Variants in EXT1 observed in about 807,000 individuals in gnomAD.
EXT1 encodes exostosin glycosyltransferase 1.
Under a neutral mutation model 82.5 loss-of-function variants are expected in EXT1, and 20 were observed. That is an observed-to-expected ratio of 0.24 (90% CI 0.17 to 0.35). The LOEUF (loss-of-function observed/expected upper bound fraction) is 0.35. EXT1 is among the 10% of genes least tolerant of loss of function. The probability of loss-of-function intolerance (pLI) is 1.00; values close to 1 mark genes in which losing one functional copy is unlikely to be tolerated. For missense variants in EXT1, 757 were observed against 936.5 expected, an observed-to-expected ratio of 0.81 and a Z score of 2.50; for synonymous variants, 348 against 350.8, an observed-to-expected ratio of 0.99 and a Z score of 0.09.
chr8:118,062,421 C>T (rs1816898269), intron 1 of EXT1, among the ~76,000 whole-genome samples: 1 of 152,152 alleles, frequency 6.6e-6, no homozygotes, highest in African/African-American at 2.4e-5. Flanking sequence ...CTCAAGGACT[C>T]AGGAAGCAGA....
chr8:118,076,414 T>A (rs1185646108), intron 1 of EXT1, among the ~76,000 whole-genome samples: 3 of 152,232 alleles, frequency 2.0e-5, no homozygotes, highest in Non-Finnish European at 4.4e-5. Context: ...TTAGTAAGTT[T>A]TCAATGGGTC....
chr8:117,866,794 A>C (rs63261062), intron 1 of EXT1, among the ~76,000 whole-genome samples: 4 of 41,360 alleles, frequency 9.7e-5, no homozygotes, highest in South Asian at 1.1e-3. Context: ...TGGCCTACCC[A>C]AAAAAAAAAA....
intron 1 of EXT1, among the ~76,000 whole-genome samples, chr8:117,878,047 CG>C (rs1813001039): frequency 6.6e-6 from 1 of 152,048 alleles, no homozygotes; most frequent in African/African-American, 2.4e-5. Flanking sequence ...CCGAGGTGGG[CG>C]GATCACTTGA....
chr8:118,064,115 C>A (rs538858869), intron 1 of EXT1, among the ~76,000 whole-genome samples: 1 of 152,182 alleles, frequency 6.6e-6, no homozygotes, highest in African/African-American at 2.4e-5. Flanking sequence ...CCATCCGCCT[C>A]GGCCTCTGAA....
intron 1 of EXT1, among the ~76,000 whole-genome samples, chr8:117,968,260 C>T (rs989674446): frequency 2.6e-5 from 4 of 151,906 alleles, no homozygotes; most frequent in South Asian, 4.2e-4. Context: ...CACACAACAC[C>T]GTGCCCAGCT....
At chr8:117,842,083 A>G (rs965485648) in intron 1 of EXT1, among the ~76,000 whole-genome samples, 1 of 152,212 alleles carries the variant, frequency 6.6e-6, no homozygotes, top group Non-Finnish European at 1.5e-5. Flanking sequence ...AGCCCTCTGG[A>G]TAATTATGAT....
chr8:117,925,990 A>T (rs1282807356), intron 1 of EXT1, among the ~76,000 whole-genome samples: 1 of 152,180 alleles, frequency 6.6e-6, no homozygotes, highest in Non-Finnish European at 1.5e-5. Flanking sequence ...TTGGCTTCTC[A>T]ATTTTAAAGT....
chr8:117,815,636 C>T lies in EXT1; in HGVS notation c.1633-2675G>A, dbSNP rs533626600. Among the ~76,000 whole-genome samples, 28 of 152,234 alleles carry T rather than the reference C, an allele frequency of 1.8e-4. 1 individual carries two copies. The highest frequency in any genetic ancestry group is 1.5e-4 in the Non-Finnish European group (10 of 67,998). ...ATGTGAAAGCCCAACTCCTTTAAAACGAACAAACATGTTGGCCAGGTACAG... is the reference window on the plus strand; with the variant it reads ...ATGTGAAAGCCCAACTCCTTTAAAATGAACAAACATGTTGGCCAGGTACAG... On this transcript the variant is annotated intron_variant, in intron 7 of 10. Coordinates refer to ENST00000378204, the MANE Select transcript of EXT1 (RefSeq NM_000127.3).
At chr8:117,831,794 G>A (rs1030948859) in intron 3 of EXT1, 5 of 390,070 alleles carry the variant, frequency 1.3e-5, no homozygotes, top group African/African-American at 1.0e-4. Flanking sequence ...CCCTTAGGAG[G>A]AGCAATAAAA....
chr8:117,856,278 G>A (rs903023756), intron 1 of EXT1, among the ~76,000 whole-genome samples: 3 of 147,250 alleles, frequency 2.0e-5, no homozygotes, highest in East Asian at 2.0e-4. Context: ...GTGGGGGGAC[G>A]GAGTCTCGCT....
At chr8:117,955,103 C>T (rs1283160330) in intron 1 of EXT1, among the ~76,000 whole-genome samples, 1 of 152,160 alleles carries the variant, frequency 6.6e-6, no homozygotes, top group Admixed American at 6.5e-5. Flanking sequence ...ATAATGGATA[C>T]ACATGAACAG....
At position 117,809,209 on chromosome 8, in the gene EXT1, G is replaced by GTATAAATATATATATATATA. The variant is rs1471755255; in HGVS notation, c.1723-1833_1723-1832insTATATATATATATATTTATA. Among the ~76,000 whole-genome samples the GTATAAATATATATATATATA allele has an allele frequency of 2.9e-3, 248 of 85,648 alleles. 3 individuals are homozygous for GTATAAATATATATATATATA. The highest frequency in any genetic ancestry group is 4.1e-3 in the Non-Finnish European group (168 of 41,478). 56.2% of individuals were successfully genotyped at this position (85,648 alleles called of 152,430 possible). A position where few individuals can be genotyped will look rare whatever the true frequency, so the allele number is the denominator to read the frequency against. On this transcript the variant is annotated intron_variant, in intron 8 of 10. Transcript: ENST00000378204. The stretch of plus-strand genomic sequence containing the variant: ...TGTGTGTAGGTATATATATGTGTGT[G>GTATAAATATATATATATATA]TGTGTATAAATATATATATATATAT...
intron 1 of EXT1, among the ~76,000 whole-genome samples, chr8:117,844,824 C>A (rs571929476): frequency 6.6e-6 from 1 of 152,104 alleles, no homozygotes; most frequent in African/African-American, 2.4e-5. Flanking sequence ...GGATGCTTGG[C>A]GTCCCCAAGC....
chr8:117,814,462 G>A (rs946660841), intron 7 of EXT1, among the ~76,000 whole-genome samples: 1 of 152,034 alleles, frequency 6.6e-6, no homozygotes, highest in South Asian at 2.1e-4. Context: ...ATATATCATC[G>A]TGTTTCATCT....
intron 1 of EXT1, among the ~76,000 whole-genome samples, chr8:118,065,002 G>A (rs909181023): frequency 6.6e-5 from 10 of 151,716 alleles, no homozygotes; most frequent in South Asian, 6.3e-4. Context: ...ACAGGTGCCC[G>A]CCACCACACC....
At chr8:117,844,743 G>GTACAAATGAGCTGCTATAT (rs1336385824) in intron 1 of EXT1, among the ~76,000 whole-genome samples, 2 of 152,176 alleles carry the variant, frequency 1.3e-5, no homozygotes, top group East Asian at 3.9e-4. Context: ...AGCTGCTATA[G>GTACAAATGAGCTGCTATAT]TACAAATGAG....
intron 1 of EXT1, among the ~76,000 whole-genome samples, chr8:117,958,147 A>G (rs1011312907): frequency 6.6e-6 from 1 of 152,118 alleles, no homozygotes; most frequent in African/African-American, 2.4e-5. Flanking sequence ...CTTTCTCTTC[A>G]AAGGTTTAGA....
At chr8:118,101,281 G>A (rs115275472) in intron 1 of EXT1, among the ~76,000 whole-genome samples, 63 of 152,284 alleles carry the variant, frequency 4.1e-4, no homozygotes, top group African/African-American at 1.4e-3. Flanking sequence ...TTATGGTGCA[G>A]GGCCACAGGC....
intron 1 of EXT1, among the ~76,000 whole-genome samples, chr8:117,903,029 A>G (rs1563596137): frequency 6.6e-6 from 1 of 152,204 alleles, no homozygotes. Flanking sequence ...CAAGCTCCAC[A>G]ACCTACACTG....
Sources: gnomAD v4.1 joint callset for allele counts (sites outside exome capture counted in the v4.1 genomes callset) on GRCh38, gnomAD v4.1.1 for gene constraint, MANE v1.5 for transcripts, NCBI Gene and HGNC (gene_info 2026-07-23, HGNC 2026-07-21) for gene names.